Variants in NPC1 observed in about 807,000 individuals in gnomAD.
NPC1 encodes NPC intracellular cholesterol transporter 1.
In NPC1, 85 loss-of-function variants were observed where a neutral mutation model predicts 140.4. The ratio of observed to expected loss-of-function variants is 0.61; its 90% CI spans 0.51 to 0.72. The LOEUF (loss-of-function observed/expected upper bound fraction) is 0.72. Among genes scored for constraint, NPC1 ranks in the 30% least tolerant of loss-of-function variants. NPC1 has a pLI of 0.00. For missense variants in NPC1, 1,504 were observed against 1,623.8 expected, an observed-to-expected ratio of 0.93 and a Z score of 1.27; for synonymous variants, 656 against 624.8, an observed-to-expected ratio of 1.05 and a Z score of -0.74.
rs769465763 is a variant in NPC1 at position 23,532,211 on chromosome 18, T to C, written c.3828A>G (p.Leu1276=). ...RYKGTERERL[L]NF ...ATGCCCTGCGAGAGGGCTAGAAATT[T>C]AGAAGCCGTTCGCGCTCTGTTCCTT... The change falls in exon 25 of 25, where the codon CTA becomes CTG. Residue 1276 remains leucine (L), a synonymous_variant. Transcript: ENST00000269228. 3.7e-6 allele frequency: 6 copies of C among 1,614,184 alleles called. No individual in the cohort carries two copies. In the Admixed American group the frequency reaches 5.0e-5, roughly 13 times the overall value.
At chr18:23,578,003 CGT>C (rs2059312586) in intron 1 of NPC1, among the ~76,000 whole-genome samples, 1 of 152,214 alleles carries the variant, frequency 6.6e-6, no homozygotes, top group Non-Finnish European at 1.5e-5. Context: ...GGTTCCTGCT[CGT>C]GTCTCTCCCT....
intron 13 of NPC1, among the ~76,000 whole-genome samples, 187 bp from the exon 14 acceptor site, chr18:23,543,756 G>C (rs2058745093): frequency 6.6e-6 from 1 of 152,082 alleles, no homozygotes; most frequent in Non-Finnish European, 1.5e-5. Flanking sequence ...TACAGAGCTA[G>C]GTACCAAGTG....
chr18:23,510,624 G>A (rs549083629), intron 3 of NPC1, among the ~76,000 whole-genome samples: 2 of 151,778 alleles, frequency 1.3e-5, no homozygotes, highest in South Asian at 4.2e-4. Flanking sequence ...TCCAGCCTGG[G>A]CAACAGAGCG....
intron 17 of NPC1, 111 bp downstream of exon 17, chr18:23,540,337 T>C (rs1218684954): frequency 4.0e-6 from 3 of 756,646 alleles, no homozygotes; most frequent in Admixed American, 2.2e-5. Flanking sequence ...CCTGTCACCA[T>C]TTGCAGTTAG....
chr18:23,574,855 TC>T (rs1229647089), intron 1 of NPC1, among the ~76,000 whole-genome samples: 1 of 152,094 alleles, frequency 6.6e-6, no homozygotes, highest in East Asian at 1.9e-4. Context: ...ATAAAGAGAA[TC>T]CCAATTGTTA....
chr18:23,539,954 A>G lies in NPC1; in HGVS notation c.2652T>C (p.His884=), dbSNP rs779248798. ...DYFKSISQYL[H]AGPPVYFVLE... ...GGACAAAGTACACAGGCGGACCCGC[A>G]TGCAGGTACTGACTGATGGATTTGA... The change falls in exon 18 of 25, where the codon CAT becomes CAC. Residue 884 remains histidine, a synonymous_variant. Coordinates refer to ENST00000269228, the MANE Select transcript of NPC1 (RefSeq NM_000271.5). The G allele has an allele frequency of 6.2e-7, 1 of 1,614,254 alleles. No homozygotes were observed. The highest frequency in any genetic ancestry group is 1.1e-5 in the South Asian group (1 of 91,088).
downstream of NPC1, chr18:23,529,808 G>T: frequency 7.9e-7 from 1 of 1,266,238 alleles, no homozygotes. Flanking sequence ...GCTAAGACAG[G>T]TCTGCCTCCC....
In NPC1 at chr18:23,581,909, C is replaced by T. The variant is rs192079560; in HGVS notation, c.57+4378G>A. The T allele has an allele frequency of 3.3e-5, 5 of 152,204 alleles. No homozygotes were observed. The East Asian group carries it at 9.7e-4, about 29-fold the overall frequency. The allele number at this position is 152,204 out of a possible 1,614,324, so 9.4% of individuals were successfully genotyped here. On this transcript the variant is annotated intron_variant, in intron 1 of 24. Coordinates refer to ENST00000269228, the MANE Select transcript of NPC1 (RefSeq NM_000271.5). ...CCATTTTTTTATGTATCCAGCCTTC[C>T]CCCCATCAACTATGAAGAAGACAGT...
chr18:23,540,626 G>A, intron 16 of NPC1, 89 bp from the exon 17 acceptor site: 2 of 1,000,412 alleles, frequency 2.0e-6, no homozygotes, highest in Non-Finnish European at 3.1e-6. Flanking sequence ...ACAAAAAGCA[G>A]GATTTTTTAA....
intron 4 of NPC1, among the ~76,000 whole-genome samples, chr18:23,568,477 A>G (rs2059157215): frequency 6.6e-6 from 1 of 152,210 alleles, no homozygotes; most frequent in East Asian, 1.9e-4. Flanking sequence ...AACTATTAAC[A>G]GTTCTATCTT....
chr18:23,548,552 C>T (rs914478884), intron 10 of NPC1, among the ~76,000 whole-genome samples: 2 of 152,106 alleles, frequency 1.3e-5, no homozygotes, highest in African/African-American at 4.8e-5. Flanking sequence ...CTCTTAACCA[C>T]ACAAACAGTA....
At chr18:23,527,883 C>T (rs199754802), downstream of NPC1, 147 of 1,613,704 alleles carry the variant, frequency 9.1e-5, no homozygotes, top group Non-Finnish European at 1.2e-4. Flanking sequence ...ACCTGGATGC[C>T]GAGCAGAGTT....
rs532832268 is a variant in NPC1, at chr18:23,580,386, T to G, written c.57+5901A>C. On this transcript the variant is annotated intron_variant, in intron 1 of 24. Transcript: ENST00000269228. ...ATTGGAGAATGCACTGGAGATGAACTGTCCCATCCATGATGATCCTATACA... is the reference window on the plus strand; with the variant it reads ...ATTGGAGAATGCACTGGAGATGAACGGTCCCATCCATGATGATCCTATACA... 2.8e-4 allele frequency among the ~76,000 whole-genome samples: 43 copies of G among 152,354 alleles called. No homozygotes were observed. In the South Asian group the frequency reaches 8.7e-3, roughly 31 times the overall value.
chr18:23,571,744 T>C (rs1167668634), intron 3 of NPC1, among the ~76,000 whole-genome samples: 4 of 151,596 alleles, frequency 2.6e-5, no homozygotes, highest in African/African-American at 7.3e-5. Flanking sequence ...GAGGCTAAGG[T>C]AGAACAATCA....
chr18:23,539,238 G>C (rs1301835883), intron 19 of NPC1, 117 bp downstream of exon 19: 6 of 745,812 alleles, frequency 8.0e-6, no homozygotes, highest in Non-Finnish European at 1.5e-5. Flanking sequence ...ATGACACAGG[G>C]AGACCCAGCT....
At chr18:23,519,825 A>G (rs1469477686), downstream of NPC1, among the ~76,000 whole-genome samples, 1 of 152,040 alleles carries the variant, frequency 6.6e-6, no homozygotes, top group East Asian at 1.9e-4. Flanking sequence ...GACAACTAGA[A>G]TGGGTCCTGT....
At chr18:23,565,257 T>A (rs2059106722) in intron 4 of NPC1, among the ~76,000 whole-genome samples, 1 of 152,248 alleles carries the variant, frequency 6.6e-6, no homozygotes, top group African/African-American at 2.4e-5. Context: ...AATACTGATA[T>A]CTAAACAATA....
At chr18:23,522,017 C>T (rs536119000), downstream of NPC1, among the ~76,000 whole-genome samples, 25 of 152,294 alleles carry the variant, frequency 1.6e-4, no homozygotes, top group African/African-American at 4.6e-4. Context: ...TGGCATTGGG[C>T]GGGTTGACCC....
At chr18:23,570,292 T>C (rs1301096909) in intron 3 of NPC1, among the ~76,000 whole-genome samples, 1 of 152,246 alleles carries the variant, frequency 6.6e-6, no homozygotes, top group Non-Finnish European at 1.5e-5. Flanking sequence ...CAAGCTTTGG[T>C]ACCTCTGATA....
Sources: gnomAD v4.1 joint callset for allele counts (sites outside exome capture counted in the v4.1 genomes callset) on GRCh38, gnomAD v4.1.1 for gene constraint, MANE v1.5 for transcripts, NCBI Gene and HGNC (gene_info 2026-07-23, HGNC 2026-07-21) for gene names.